UBE3D: variants seen among roughly 807,000 people sequenced by gnomAD.
The protein encoded by UBE3D is ubiquitin protein ligase E3D.
Under a neutral mutation model 49.6 loss-of-function variants are expected in UBE3D, and 48 were observed. The ratio of observed to expected loss-of-function variants is 0.97; its 90% CI spans 0.77 to 1.23. The LOEUF (loss-of-function observed/expected upper bound fraction) is 1.23. UBE3D is among the 50% of genes most tolerant of loss of function. The pLI, the probability that UBE3D is intolerant of heterozygous loss-of-function variation, is 0.00. For missense variants in UBE3D, 452 were observed against 468.4 expected (o/e 0.96, Z 0.32); for synonymous variants, 189 against 174.2 (o/e 1.08, Z -0.67).
At chr6:83,022,607 C>A in intron 6 of UBE3D, 46 bp from the exon 7 acceptor site, 1 of 1,409,028 alleles carries the variant, frequency 7.1e-7, no homozygotes, top group Non-Finnish European at 9.5e-7. Context: ...CTCATAATAA[C>A]TCTAACTGGC....
At chr6:83,063,724 T>A (rs1264444187) in intron 1 of UBE3D, among the ~76,000 whole-genome samples, 2 of 152,180 alleles carry the variant, frequency 1.3e-5, no homozygotes, top group East Asian at 3.9e-4. Flanking sequence ...CTAAAAGGAC[T>A]GATAATACTA....
At position 83,049,245 on chromosome 6, in the gene UBE3D, A is replaced by AATG. The variant is rs1167685594; in HGVS notation, c.366-4587_366-4586insCAT. Among the ~76,000 whole-genome samples, 7 of 152,312 alleles carry AATG rather than the reference A, an allele frequency of 4.6e-5. No homozygotes were observed. The East Asian group carries it at 1.2e-3, about 25-fold the overall frequency. ...ATTAATCAGTGATAATAACAATGGT[A>AATG]ATAACAGCTTCTACAGACTGGATTA... is the stretch of plus-strand genomic sequence containing the variant. On this transcript the variant is annotated intron_variant, in intron 3 of 9. Transcript: ENST00000369747.
At chr6:82,996,934 T>G (rs752167726) in intron 8 of UBE3D, among the ~76,000 whole-genome samples, 2 of 152,150 alleles carry the variant, frequency 1.3e-5, no homozygotes, top group Admixed American at 1.3e-4. Flanking sequence ...GTGAATATAG[T>G]CTGAAACATA....
chr6:82,919,191 G>A (rs1393637552), intron 9 of UBE3D, among the ~76,000 whole-genome samples: 4 of 152,124 alleles, frequency 2.6e-5, no homozygotes, highest in Non-Finnish European at 5.9e-5. Flanking sequence ...GGCAAGGGAA[G>A]TGGCCACCCC....
chr6:83,021,470 A>G (rs1781085193), intron 7 of UBE3D, among the ~76,000 whole-genome samples: 1 of 151,928 alleles, frequency 6.6e-6, no homozygotes, highest in Non-Finnish European at 1.5e-5. Flanking sequence ...CAGGAGCAAT[A>G]GGACATATTC....
intron 8 of UBE3D, among the ~76,000 whole-genome samples, chr6:82,981,572 A>C (rs12209557): frequency 6.6e-6 from 1 of 151,846 alleles, no homozygotes; most frequent in Non-Finnish European, 1.5e-5. Context: ...AAAAAAAAAA[A>C]TTTAAATTTA....
At chr6:82,982,478 C>T (rs927880961) in intron 8 of UBE3D, among the ~76,000 whole-genome samples, 1 of 152,062 alleles carries the variant, frequency 6.6e-6, no homozygotes, top group Admixed American at 6.6e-5. Flanking sequence ...ATCTTTTCTC[C>T]TCCTGCTAAT....
At chr6:82,916,818 G>A (rs1772949035) in intron 9 of UBE3D, among the ~76,000 whole-genome samples, 1 of 152,120 alleles carries the variant, frequency 6.6e-6, no homozygotes, top group African/African-American at 2.4e-5. Context: ...CAAACTAGGG[G>A]GTCTTGCATG....
intron 8 of UBE3D, among the ~76,000 whole-genome samples, chr6:82,985,553 G>A (rs954156404): frequency 3.3e-5 from 5 of 151,920 alleles, no homozygotes; most frequent in African/African-American, 9.7e-5. Flanking sequence ...TTGTAGAGAC[G>A]ATGTTTCACC....
intron 9 of UBE3D, among the ~76,000 whole-genome samples, chr6:82,952,037 G>A (rs1160740978): frequency 3.3e-5 from 5 of 152,168 alleles, no homozygotes; most frequent in Admixed American, 3.3e-4. Context: ...GAGAAATACT[G>A]TTTACTATGT....
At chr6:82,883,181 G>A in the UBE3D span, among the ~76,000 whole-genome samples, 1 of 152,004 alleles carries the variant, frequency 6.6e-6, no homozygotes, top group African/African-American at 2.4e-5. Context: ...TTTTATTTTT[G>A]AAAAGTATAT....
intron 8 of UBE3D, among the ~76,000 whole-genome samples, chr6:82,991,852 A>C (rs1582571468): frequency 6.6e-6 from 1 of 152,090 alleles, no homozygotes; most frequent in Non-Finnish European, 1.5e-5. Context: ...GTATATATAA[A>C]CCTGCTAAGC....
At chr6:83,043,070 T>C (rs1473544868) in intron 4 of UBE3D, among the ~76,000 whole-genome samples, 1 of 152,222 alleles carries the variant, frequency 6.6e-6, no homozygotes, top group Non-Finnish European at 1.5e-5. Context: ...TCTAAAAATA[T>C]GATGGGTCTT....
chr6:82,982,676 G>A (rs961475800), intron 8 of UBE3D, among the ~76,000 whole-genome samples: 5 of 152,156 alleles, frequency 3.3e-5, no homozygotes, highest in Non-Finnish European at 5.9e-5. Context: ...ATACACTTCT[G>A]TCAGGAGGTA....
intron 8 of UBE3D, among the ~76,000 whole-genome samples, chr6:82,959,018 T>C (rs1200989984): frequency 1.3e-5 from 2 of 152,258 alleles, no homozygotes; most frequent in South Asian, 2.1e-4. Flanking sequence ...ATATGTTTAT[T>C]TGGGTCCACT....
intron 1 of UBE3D, among the ~76,000 whole-genome samples, chr6:83,064,250 A>ATTTTTTAT (rs1784358003): frequency 6.6e-6 from 1 of 152,030 alleles, no homozygotes. Context: ...TTTGAGACGG[A>ATTTTTTAT]GTCTCTTTCT....
intron 8 of UBE3D, among the ~76,000 whole-genome samples, chr6:83,014,093 A>C (rs1780531599): frequency 6.6e-6 from 1 of 152,246 alleles, no homozygotes; most frequent in Non-Finnish European, 1.5e-5. Flanking sequence ...AGATGTGTTA[A>C]TTTGCTCAAG....
intron 5 of UBE3D, among the ~76,000 whole-genome samples, chr6:83,027,111 C>T (rs968923388): frequency 1.3e-5 from 2 of 151,990 alleles, no homozygotes; most frequent in Admixed American, 1.3e-4. Context: ...TCATTTTCTT[C>T]TACCTGAGTA....
At chr6:82,966,649 CA>C (rs1204365470) in intron 8 of UBE3D, among the ~76,000 whole-genome samples, 2,254 of 25,126 alleles carry the variant, frequency 0.09, 26 homozygotes, top group Admixed American at 0.15. Flanking sequence ...GACTCCGTCT[CA>C]AAAAAAAAAA....
Sources: allele counts gnomAD v4.1 joint callset (sites outside exome capture counted in the v4.1 genomes callset), GRCh38; gene constraint gnomAD v4.1.1; transcripts MANE v1.5; gene names NCBI Gene and HGNC (gene_info 2026-07-23, HGNC 2026-07-21).